ITGA11: variants seen among roughly 807,000 people sequenced by gnomAD.
The protein encoded by ITGA11 is integrin subunit alpha 11.
In ITGA11, 97 loss-of-function variants were observed where a neutral mutation model predicts 141.9. The observed-to-expected ratio is 0.68, with a 90% confidence interval of 0.58 to 0.81. The LOEUF (loss-of-function observed/expected upper bound fraction) is 0.81. ITGA11 is among the 30% of genes least tolerant of loss of function. The pLI is 0.00. For missense variants in ITGA11, 1,387 were observed against 1,559.2 expected (o/e 0.89, Z 1.86); for synonymous variants, 658 against 624.6 (o/e 1.05, Z -0.80).
chr15:68,311,252 G>C (rs575713635), intron 25 of ITGA11, 38 bp downstream of exon 25: 1 of 1,419,290 alleles, frequency 7.0e-7, no homozygotes, highest in Non-Finnish European at 9.7e-7. Flanking sequence ...GTCTCCTTCT[G>C]GTCCCCTCCC....
chr15:68,376,350 C>G (rs1895728490), intron 2 of ITGA11, among the ~76,000 whole-genome samples: 1 of 152,218 alleles, frequency 6.6e-6, no homozygotes, highest in Non-Finnish European at 1.5e-5. Context: ...CTGTCACCCC[C>G]TCTCTCACCA....
rs1052569644 is a variant in ITGA11 at position 68,326,976 on chromosome 15, A to C, written c.2069-180T>G. On this transcript the variant is annotated intron_variant, in intron 16 of 29. Transcript: ENST00000315757. The surrounding 1 kb of genome is among the most constrained non-coding windows in gnomAD (Gnocchi z 6.8). ...GCAAGTGATTGCATGAGGAAGGTAA[A>C]GGAAGGAACCAAAGAAAAGGGGGAG... Among the ~76,000 whole-genome samples the C allele has an allele frequency of 6.6e-6, 1 of 152,136 alleles. No individual in the cohort carries two copies. The highest frequency in any genetic ancestry group is 2.4e-5 in the African/African-American group (1 of 41,434).
rs1892949544 is a variant in ITGA11, at chr15:68,298,236, A to G, written c.*4823T>C. 1 of 152,224 alleles carries G rather than the reference A, an allele frequency of 6.6e-6. No individual in the cohort carries two copies. Among genetic ancestry groups the G allele is most frequent in the East Asian group, 1.9e-4 (1 of 5,192 alleles). The allele number at this position is 152,224 out of a possible 1,614,324, so 9.4% of individuals were successfully genotyped here. On this transcript the variant is annotated 3_prime_UTR_variant, in exon 30 of 30. Transcript: ENST00000315757. ...AAAACCTTAGCTTGTTGGCAAGTTTAGACAAAATTATATTTTCTAATTTGC... is the reference window on the plus strand; with the variant it reads ...AAAACCTTAGCTTGTTGGCAAGTTTGGACAAAATTATATTTTCTAATTTGC...
At chr15:68,365,008 G>T in intron 3 of ITGA11, 1 of 343,468 alleles carries the variant, frequency 2.9e-6, no homozygotes, top group Non-Finnish European at 3.3e-6. Context: ...GTCTCAGAGA[G>T]GCCAAACAAC....
At chr15:68,372,021 C>A (rs11858032) in intron 2 of ITGA11, among the ~76,000 whole-genome samples, 31,090 of 152,076 alleles carry the variant, frequency 0.2, 3,572 homozygotes, top group African/African-American at 0.28. Flanking sequence ...CATAATATAG[C>A]TGCAGAAACT....
chr15:68,335,686 C>T lies in ITGA11; in HGVS notation c.1425+11G>A. ...TCCCTCCATCCCGGCCCCAGGCTCC[C>T]CCTCCATTACCTGCTGGCCCCGCAT... On this transcript the variant is annotated intron_variant, in intron 12 of 29. Coordinates refer to ENST00000315757, the MANE Select transcript of ITGA11 (RefSeq NM_001004439.2). The surrounding 1 kb of genome is among the most constrained non-coding windows in gnomAD (Gnocchi z 4.9). 1 of 1,613,084 alleles carries T rather than the reference C, an allele frequency of 6.2e-7. No individual in the cohort carries two copies. Among genetic ancestry groups the T allele is most frequent in the Non-Finnish European group, 8.5e-7 (1 of 1,179,512 alleles).
rs200247746 is a variant in ITGA11, at chr15:68,357,236, C to T, written c.664G>A (p.Val222Ile). 198 of 1,613,846 alleles carry T rather than the reference C, an allele frequency of 1.2e-4. No homozygotes were observed. Among genetic ancestry groups the T allele is most frequent in the Non-Finnish European group, 1.6e-4 (189 of 1,179,890 alleles). Residue 222 changes from valine to isoleucine, a missense_variant, in exon 7 of 30, where the codon GTA (valine) becomes ATA (isoleucine). Coordinates refer to ENST00000315757, the MANE Select transcript of ITGA11 (RefSeq NM_001004439.2). ...HEFHLNDYRS[V>I]KDVVEAASHI... ...CTGGCAGCTTCCACCACATCTTTTA[C>T]AGACCTGTAGTCGTTGAGGTGAAAC...
chr15:68,322,794 G>A lies in ITGA11; in HGVS notation c.2323-1291C>T, dbSNP rs923371168. Among the ~76,000 whole-genome samples, 1 of 151,924 alleles carries A rather than the reference G, an allele frequency of 6.6e-6. No individual in the cohort carries two copies. The highest frequency in any genetic ancestry group is 1.5e-5 in the Non-Finnish European group (1 of 68,000). On this transcript the variant is annotated intron_variant, in intron 18 of 29. Coordinates refer to ENST00000315757, the MANE Select transcript of ITGA11 (RefSeq NM_001004439.2). The surrounding 1 kb of genome is among the most constrained non-coding windows in gnomAD (Gnocchi z 5.6). ...GAGAATTGCTTGAACTCAGGCAGAGGCTGCAGTGGGCCAAGATCGTGCCAC... is the reference window on the plus strand; with the variant it reads ...GAGAATTGCTTGAACTCAGGCAGAGACTGCAGTGGGCCAAGATCGTGCCAC...
At chr15:68,346,112 G>A (rs113245801) in intron 10 of ITGA11, among the ~76,000 whole-genome samples, 1 of 132 alleles carries the variant, frequency 7.6e-3, no homozygotes, top group Non-Finnish European at 0.021. Flanking sequence ...TCCCTGTGTC[G>A]GGGTGATGGA....
At chr15:68,417,282 G>A (rs1416745280) in intron 1 of ITGA11, among the ~76,000 whole-genome samples, 1 of 152,166 alleles carries the variant, frequency 6.6e-6, no homozygotes, top group East Asian at 1.9e-4. Flanking sequence ...GCAGGAAATG[G>A]CATTACCACC....
chr15:68,312,648 G>T, intron 24 of ITGA11, 125 bp downstream of exon 24: 1 of 681,842 alleles, frequency 1.5e-6, no homozygotes, highest in Non-Finnish European at 2.5e-6. Context: ...AAGTCGCACA[G>T]TGGGTGGGTG....
intron 1 of ITGA11, among the ~76,000 whole-genome samples, chr15:68,429,462 C>CA (rs1039799760): frequency 6.6e-6 from 1 of 151,588 alleles, no homozygotes; most frequent in Non-Finnish European, 1.5e-5. Flanking sequence ...GACTTGATTA[C>CA]TTTTTTTTTA....
chr15:68,405,853 T>C (rs11072020), intron 1 of ITGA11, among the ~76,000 whole-genome samples: 70,804 of 151,820 alleles, frequency 0.47, 16,721 homozygotes, highest in Middle Eastern at 0.58. Flanking sequence ...GTCCCAGGAA[T>C]GAACACACAC....
Position 68,331,144 on chromosome 15 carries a change from GCA to G in ITGA11, c.1771-35_1771-34del, listed in dbSNP as rs765971487. Reference sequence around the variant, plus strand: ...GCGCGGGAAGAGAGGGGGAGGGCATGCACACTGTGAGTGTGGGGGCGGGCGTC... The same window carrying G: ...GCGCGGGAAGAGAGGGGGAGGGCATGCACTGTGAGTGTGGGGGCGGGCGTC... On this transcript the variant is annotated intron_variant, in intron 14 of 29. Coordinates refer to ENST00000315757, the MANE Select transcript of ITGA11 (RefSeq NM_001004439.2). 6 of 1,542,678 alleles carry G rather than the reference GCA, an allele frequency of 3.9e-6. No individual in the cohort carries two copies. In the African/African-American group the frequency reaches 8.2e-5, roughly 21 times the overall value.
At chr15:68,397,050 T>A (rs1336195489) in intron 2 of ITGA11, among the ~76,000 whole-genome samples, 1 of 31,804 alleles carries the variant, frequency 3.1e-5, no homozygotes. Flanking sequence ...TTATATAATA[T>A]ATAATATATA....
chr15:68,350,562 T>G, intron 9 of ITGA11, 55 bp downstream of exon 9: 1 of 1,541,630 alleles, frequency 6.5e-7, no homozygotes, highest in Non-Finnish European at 8.8e-7. Context: ...TCTACGGGGT[T>G]TACCTGACAT....
chr15:68,383,188 G>A (rs931973847), intron 2 of ITGA11, among the ~76,000 whole-genome samples: 8 of 151,858 alleles, frequency 5.3e-5, no homozygotes, highest in East Asian at 1.9e-4. Context: ...GGAGAATGGC[G>A]TGAACTCGGG....
intron 10 of ITGA11, among the ~76,000 whole-genome samples, chr15:68,343,190 G>A (rs1172339485): frequency 6.6e-6 from 1 of 152,208 alleles, no homozygotes; most frequent in East Asian, 1.9e-4. Context: ...CCAGTGGTCG[G>A]GAGTCGAAGA....
At chr15:68,377,302 C>G (rs547927434) in intron 2 of ITGA11, among the ~76,000 whole-genome samples, 1 of 152,090 alleles carries the variant, frequency 6.6e-6, no homozygotes, top group Non-Finnish European at 1.5e-5. Context: ...GACAGAGTAT[C>G]GCTCTGTTGC....
Sources: allele counts gnomAD v4.1 joint callset (sites outside exome capture counted in the v4.1 genomes callset), GRCh38; gene constraint gnomAD v4.1.1; non-coding constraint Gnocchi (gnomAD v3.1); transcripts MANE v1.5; gene names NCBI Gene and HGNC (gene_info 2026-07-23, HGNC 2026-07-21).